The following CEP112 variants were observed in gnomAD, a reference collection of about 807,000 sequenced individuals.
CEP112 encodes the protein centrosomal protein of 112 kDa.
A neutral mutation model predicts 153.0 loss-of-function variants in CEP112; 127 were observed. That is an observed-to-expected ratio of 0.83 (90% CI 0.72 to 0.96). CEP112 has a LOEUF of 0.96. Among genes scored for constraint, CEP112 ranks in the 40% least tolerant of loss-of-function variants. The probability of loss-of-function intolerance (pLI) is 0.00; values close to 1 mark genes in which losing one functional copy is unlikely to be tolerated. For missense variants in CEP112, 1,089 were observed against 1,101.2 expected, an observed-to-expected ratio of 0.99 and a Z score of 0.16; for synonymous variants, 358 against 374.4, an observed-to-expected ratio of 0.96 and a Z score of 0.51.
intron 24 of CEP112, chr17:65,644,512 C>T: frequency 3.2e-6 from 1 of 316,920 alleles, no homozygotes; most frequent in Non-Finnish European, 6.0e-6. Context: ...TTAATTTGGA[C>T]AAAGCACAGC....
intron 5 of CEP112, 135 bp from the exon 6 acceptor site, chr17:66,129,958 A>G (rs144622924): frequency 1.3e-4 from 73 of 559,316 alleles, no homozygotes; most frequent in African/African-American, 1.0e-3. Context: ...AAAAAAGGAA[A>G]AAAGGAAGAA....
At chr17:65,796,081 C>G (rs2054896307) in intron 21 of CEP112, among the ~76,000 whole-genome samples, 1 of 152,146 alleles carries the variant, frequency 6.6e-6, no homozygotes, top group Non-Finnish European at 1.5e-5. Context: ...CCACTTGTTC[C>G]AGCCCATCCT....
intron 23 of CEP112, among the ~76,000 whole-genome samples, chr17:65,734,728 T>C (rs1343518878): frequency 6.6e-6 from 1 of 152,184 alleles, no homozygotes; most frequent in Non-Finnish European, 1.5e-5. Flanking sequence ...GAAGAAAATC[T>C]AGTCTCACAC....
At chr17:65,936,793 T>TCTCTCCCTCCCCCTCCTC (rs2061321280) in intron 18 of CEP112, among the ~76,000 whole-genome samples, 1 of 109,542 alleles carries the variant, frequency 9.1e-6, no homozygotes, top group Non-Finnish European at 1.9e-5. Flanking sequence ...TCCGTCTACC[T>TCTCTCCCTCCCCCTCCTC]CTCCCCCTCC....
chr17:65,979,233 A>T (rs1215540650), intron 17 of CEP112, among the ~76,000 whole-genome samples: 1 of 148,624 alleles, frequency 6.7e-6, no homozygotes, highest in Non-Finnish European at 1.5e-5. Context: ...TTTATTTTTA[A>T]TTTTATTTAT....
intron 4 of CEP112, among the ~76,000 whole-genome samples, chr17:66,157,543 G>A (rs1302742573): frequency 3.3e-5 from 5 of 151,962 alleles, no homozygotes; most frequent in Non-Finnish European, 7.4e-5. Context: ...AACCTTAAAT[G>A]TAAATGGACT....
intron 16 of CEP112, among the ~76,000 whole-genome samples, chr17:66,016,498 C>T (rs1333139450): frequency 6.6e-6 from 1 of 152,024 alleles, no homozygotes; most frequent in African/African-American, 2.4e-5. Flanking sequence ...TGAGGAGGCA[C>T]GTTTCTCCTC....
At chr17:65,963,392 C>G (rs908576822) in intron 17 of CEP112, among the ~76,000 whole-genome samples, 4 of 152,058 alleles carry the variant, frequency 2.6e-5, no homozygotes, top group Admixed American at 1.3e-4. Context: ...AAAAGTAATA[C>G]GAGTTTTTCC....
At chr17:65,970,212 CATGCATATACCATGCATAT>C (rs1200667638) in intron 17 of CEP112, among the ~76,000 whole-genome samples, 3 of 109,454 alleles carry the variant, frequency 2.7e-5, no homozygotes, top group African/African-American at 9.0e-5. Context: ...GCATGTCATG[CATGCATATACCATGCATAT>C]ATGCATGTAT....
chr17:66,185,949 A>G (rs1011048498), intron 1 of CEP112, among the ~76,000 whole-genome samples: 1 of 152,118 alleles, frequency 6.6e-6, no homozygotes, highest in African/African-American at 2.4e-5. Context: ...CTGTAAGTAA[A>G]TCGTAGCTTT....
rs898002732 is a variant in CEP112 at position 66,191,718 on chromosome 17, C to T, written c.-9+279G>A. Reference sequence around the variant, plus strand: ...AAACCCTTGGGTCAGACTCTTGGACCACGTCAGACCGATCAAACCGGCTGA... The same window carrying T: ...AAACCCTTGGGTCAGACTCTTGGACTACGTCAGACCGATCAAACCGGCTGA... On this transcript the variant is annotated intron_variant, in intron 1 of 26. Coordinates refer to ENST00000535342, the MANE Select transcript of CEP112 (RefSeq NM_001199165.4). The surrounding 1 kb of genome is among the most constrained non-coding windows in gnomAD (Gnocchi z 4.2). 5 of 152,772 alleles carry T rather than the reference C, an allele frequency of 3.3e-5. No homozygotes were observed. The highest frequency in any genetic ancestry group is 3.3e-4 in the Admixed American group (5 of 15,290). The allele number at this position is 152,772 out of a possible 1,614,324, so 9.5% of individuals were successfully genotyped here. A position where few individuals can be genotyped will look rare whatever the true frequency, so the allele number is the denominator to read the frequency against.
chr17:66,089,695 C>T (rs2068066768), intron 8 of CEP112, among the ~76,000 whole-genome samples: 2 of 151,622 alleles, frequency 1.3e-5, no homozygotes, highest in African/African-American at 4.8e-5. Context: ...GGGACAGGAT[C>T]AAAAGAGAAA....
chr17:66,164,875 TAC>T (rs1568565778), intron 4 of CEP112, among the ~76,000 whole-genome samples: 1 of 134,304 alleles, frequency 7.4e-6, no homozygotes, highest in African/African-American at 2.9e-5. Context: ...TATATATATA[TAC>T]ACACATATAT....
chr17:65,810,211 T>C (rs370505904), intron 21 of CEP112, among the ~76,000 whole-genome samples: 2 of 152,310 alleles, frequency 1.3e-5, no homozygotes, highest in East Asian at 3.9e-4. Context: ...AACAAAGACG[T>C]GGCACAGTGA....
At chr17:66,175,335 C>A in intron 3 of CEP112, 119 bp from the exon 4 acceptor site, 1 of 634,370 alleles carries the variant, frequency 1.6e-6, no homozygotes, top group South Asian at 3.1e-5. Context: ...CAATTACATT[C>A]AAACATTTAA....
At chr17:65,893,019 TA>T (rs745766222) in intron 20 of CEP112, among the ~76,000 whole-genome samples, 100 of 152,248 alleles carry the variant, frequency 6.6e-4, no homozygotes, top group Non-Finnish European at 1.2e-3. Flanking sequence ...ATCACCACTT[TA>T]ATTTTAACCT....
At chr17:66,109,638 G>GA (rs562589336) in intron 6 of CEP112, among the ~76,000 whole-genome samples, 17 of 149,056 alleles carry the variant, frequency 1.1e-4, no homozygotes, top group South Asian at 2.1e-4. Flanking sequence ...GCTAAAGACT[G>GA]AAAAAAAAAT....
chr17:65,937,584 C>G (rs1221510813), intron 18 of CEP112, among the ~76,000 whole-genome samples: 8 of 97,146 alleles, frequency 8.2e-5, no homozygotes, highest in Non-Finnish European at 1.1e-4. Flanking sequence ...GTCAGCCCCC[C>G]ACCCGGCCAG....
At chr17:65,923,881 C>T (rs1032246940) in intron 19 of CEP112, among the ~76,000 whole-genome samples, 7 of 152,176 alleles carry the variant, frequency 4.6e-5, no homozygotes, top group African/African-American at 9.7e-5. Context: ...ATTCCCCTCA[C>T]CAATATGTCT....
Sources: allele counts gnomAD v4.1 joint callset (sites outside exome capture counted in the v4.1 genomes callset), GRCh38; gene constraint gnomAD v4.1.1; non-coding constraint Gnocchi (gnomAD v3.1); transcripts MANE v1.5; gene names NCBI Gene and HGNC (gene_info 2026-07-23, HGNC 2026-07-21).